The following DLGAP2 variants were observed in gnomAD, a reference collection of about 807,000 sequenced individuals.
DLGAP2 encodes disks large-associated protein 2.
In DLGAP2, 26 loss-of-function variants were observed where a neutral mutation model predicts 100.3. The ratio of observed to expected loss-of-function variants is 0.26; its 90% CI spans 0.19 to 0.36. The LOEUF is 0.36. DLGAP2 is among the 10% of genes least tolerant of loss of function. The pLI is 1.00. For missense variants in DLGAP2, 1,858 were observed against 1,453.2 expected (o/e 1.28, Z -4.53); for synonymous variants, 886 against 630.1 (o/e 1.41, Z -6.08).
intron 1 of DLGAP2, among the ~76,000 whole-genome samples, chr8:776,249 T>G (rs1452814128): frequency 6.6e-6 from 1 of 152,120 alleles, no homozygotes; most frequent in Non-Finnish European, 1.5e-5. Flanking sequence ...CTTTTTTTCT[T>G]TATTAGTCTT....
intron 2 of DLGAP2, among the ~76,000 whole-genome samples, chr8:1,106,780 A>G (rs536749392): frequency 2.6e-5 from 4 of 151,854 alleles, no homozygotes; most frequent in Non-Finnish European, 5.9e-5. Flanking sequence ...AGGGTTTTCT[A>G]TTGAAGGGAG....
intron 2 of DLGAP2, among the ~76,000 whole-genome samples, chr8:996,531 A>G (rs1382540169): frequency 6.6e-6 from 1 of 152,222 alleles, no homozygotes; most frequent in African/African-American, 2.4e-5. Flanking sequence ...ATGTGGCTAC[A>G]TTAATGAAAG....
intron 4 of DLGAP2, among the ~76,000 whole-genome samples, chr8:1,535,088 C>G (rs1337132559): frequency 6.6e-6 from 1 of 152,212 alleles, no homozygotes; most frequent in Non-Finnish European, 1.5e-5. Flanking sequence ...GGGCAAGGTC[C>G]TGTGGAGCCA....
intron 2 of DLGAP2, among the ~76,000 whole-genome samples, chr8:1,029,197 G>C (rs1433409739): frequency 6.6e-6 from 1 of 152,176 alleles, no homozygotes; most frequent in East Asian, 1.9e-4. Flanking sequence ...TCTGTAGAAA[G>C]TCCACAGAGC....
intron 4 of DLGAP2, among the ~76,000 whole-genome samples, chr8:1,507,074 C>T (rs1014233513): frequency 6.6e-6 from 1 of 152,340 alleles, no homozygotes; most frequent in Non-Finnish European, 1.5e-5. Flanking sequence ...TCTCCAAGTC[C>T]CCACCGGACT....
intron 3 of DLGAP2, among the ~76,000 whole-genome samples, chr8:1,355,412 T>G (rs951542089): frequency 1.3e-5 from 2 of 152,104 alleles, no homozygotes; most frequent in African/African-American, 4.8e-5. Context: ...TCACCCAGGT[T>G]GGAGTGCAGT....
At chr8:738,073 C>G (rs1820366566) in intron 1 of DLGAP2, 1 of 264,460 alleles carries the variant, frequency 3.8e-6, no homozygotes, top group Non-Finnish European at 7.1e-6. Flanking sequence ...TCGGGGGTGC[C>G]GGGACCCTGG....
chr8:1,594,253 C>G (rs1352875072), intron 6 of DLGAP2, among the ~76,000 whole-genome samples: 1 of 152,066 alleles, frequency 6.6e-6, no homozygotes. Context: ...TAAAACAAAT[C>G]TCCAGAAACT....
chr8:1,374,493 T>G (rs1802342060), intron 3 of DLGAP2, among the ~76,000 whole-genome samples: 1 of 152,184 alleles, frequency 6.6e-6, no homozygotes, highest in Admixed American at 6.5e-5. Context: ...CAGCAGGAGT[T>G]CTGAGGCTTC....
intron 1 of DLGAP2, among the ~76,000 whole-genome samples, chr8:802,058 T>TCCTCACGGC (rs1563039172): frequency 1.6e-4 from 24 of 149,778 alleles, no homozygotes; most frequent in Admixed American, 3.3e-4. Flanking sequence ...TGGGGAACAG[T>TCCTCACGGC]CTGCACCCCT....
chr8:1,668,209 G>A (rs1405529256), intron 8 of DLGAP2, 120 bp from the exon 9 acceptor site: 1 of 889,718 alleles, frequency 1.1e-6, no homozygotes, highest in African/African-American at 1.7e-5. Flanking sequence ...ATTTTTTTAG[G>A]CTAGACGTCC....
intron 3 of DLGAP2, among the ~76,000 whole-genome samples, chr8:1,265,040 C>T (rs1323547187): frequency 6.6e-6 from 1 of 152,118 alleles, no homozygotes; most frequent in Non-Finnish European, 1.5e-5. Context: ...AATCTGAGTC[C>T]ATTAAACCTC....
intron 2 of DLGAP2, among the ~76,000 whole-genome samples, chr8:1,055,135 AGATG>A (rs1369552799): frequency 6.6e-6 from 1 of 152,254 alleles, no homozygotes; most frequent in Non-Finnish European, 1.5e-5. Context: ...CGTTTTGTAA[AGATG>A]GATGCTATCA....
chr8:1,189,404 G>C (rs1047359957), intron 2 of DLGAP2, among the ~76,000 whole-genome samples: 13 of 152,314 alleles, frequency 8.5e-5, no homozygotes, highest in Admixed American at 8.5e-4. Flanking sequence ...ACCATCTGGA[G>C]TGCAGTTACC....
chr8:1,498,012 C>G (rs1217098453), intron 3 of DLGAP2, among the ~76,000 whole-genome samples: 2 of 152,128 alleles, frequency 1.3e-5, no homozygotes, highest in African/African-American at 4.8e-5. Context: ...GAGACATAAG[C>G]CATTGGTCAC....
intron 3 of DLGAP2, among the ~76,000 whole-genome samples, chr8:1,334,945 G>T (rs1395784837): frequency 6.6e-6 from 1 of 152,158 alleles, no homozygotes. Flanking sequence ...TCTCCCATCA[G>T]GCAGTATCCC....
chr8:1,257,594 C>T (rs1448860053), intron 2 of DLGAP2, among the ~76,000 whole-genome samples: 1 of 152,222 alleles, frequency 6.6e-6, no homozygotes. Context: ...CGTGGCGTCT[C>T]CTCTGTGGGC....
In DLGAP2 at chr8:1,144,463, C is replaced by T. The variant is rs529793902; in HGVS notation, c.74-114388C>T. ...AGCTTTCTTGTTTCTTTGAGGCTTC[C>T]GAATGCTCCTCCCCAGTCTGCGTCC... On this transcript the variant is annotated intron_variant, in intron 2 of 14. Coordinates refer to ENST00000637795, the MANE Select transcript of DLGAP2 (RefSeq NM_001346810.2). 1.1e-4 allele frequency among the ~76,000 whole-genome samples: 16 copies of T among 152,268 alleles called. No homozygotes were observed. In the East Asian group the frequency reaches 1.7e-3, roughly 17 times the overall value.
At chr8:923,245 T>C (rs748373459) in intron 2 of DLGAP2, among the ~76,000 whole-genome samples, 5 of 151,956 alleles carry the variant, frequency 3.3e-5, no homozygotes, top group Non-Finnish European at 7.4e-5. Flanking sequence ...ACAGGTTATC[T>C]GGGCTGTGTC....
Sources: gnomAD v4.1 joint callset for allele counts (sites outside exome capture counted in the v4.1 genomes callset) on GRCh38, gnomAD v4.1.1 for gene constraint, MANE v1.5 for transcripts, NCBI Gene and HGNC (gene_info 2026-07-23, HGNC 2026-07-21) for gene names.